HOMER1: variants seen among roughly 807,000 people sequenced by gnomAD.
HOMER1 encodes homer protein homolog 1.
Under a neutral mutation model 48.9 loss-of-function variants are expected in HOMER1, and 3 were observed. The observed-to-expected ratio is 0.06, with a 90% CI of 0.03 to 0.16. The LOEUF is 0.16. Ranked by LOEUF, HOMER1 falls within the 10% of genes least tolerant of loss-of-function variation. The pLI, the probability that HOMER1 is intolerant of heterozygous loss-of-function variation, is 1.00. For missense variants in HOMER1, 247 were observed against 411.4 expected, an observed-to-expected ratio of 0.60 and a Z score of 3.46; for synonymous variants, 134 against 146.4, an observed-to-expected ratio of 0.92 and a Z score of 0.61.
intron 5 of HOMER1, among the ~76,000 whole-genome samples, chr5:79,434,949 A>G (rs1293033174): frequency 6.6e-6 from 1 of 152,200 alleles, no homozygotes; most frequent in African/African-American, 2.4e-5. Flanking sequence ...GTAATTTTAG[A>G]AAAGTATTTG....
At chr5:79,503,611 C>T (rs1400904707) in intron 1 of HOMER1, among the ~76,000 whole-genome samples, 5 of 150,596 alleles carry the variant, frequency 3.3e-5, no homozygotes, top group Admixed American at 3.3e-4. Flanking sequence ...GAGGCTGAGG[C>T]AGGTGGTTCA....
intron 1 of HOMER1, among the ~76,000 whole-genome samples, chr5:79,469,785 G>A (rs962894357): frequency 1.2e-4 from 18 of 151,874 alleles, no homozygotes; most frequent in African/African-American, 4.1e-4. Flanking sequence ...AAGCTACCTC[G>A]CCCCACATTA....
At chr5:79,417,297 C>T (rs1749970558) in intron 5 of HOMER1, among the ~76,000 whole-genome samples, 1 of 152,188 alleles carries the variant, frequency 6.6e-6, no homozygotes. Flanking sequence ...GGCCTGCCAC[C>T]ACGTCCGGCT....
chr5:79,461,953 C>T (rs1430397065), intron 1 of HOMER1, among the ~76,000 whole-genome samples: 1 of 152,170 alleles, frequency 6.6e-6, no homozygotes, highest in Admixed American at 6.5e-5. Context: ...AATCCCAGCA[C>T]TTTGGGAGGC....
At chr5:79,395,967 C>T (rs538669214) in intron 8 of HOMER1, among the ~76,000 whole-genome samples, 68 of 152,226 alleles carry the variant, frequency 4.5e-4, no homozygotes, top group African/African-American at 1.6e-3. Flanking sequence ...TCTTATTATG[C>T]CTTATCTCAG....
chr5:79,451,941 G>A (rs1266687295), intron 2 of HOMER1, among the ~76,000 whole-genome samples: 1 of 152,064 alleles, frequency 6.6e-6, no homozygotes, highest in Non-Finnish European at 1.5e-5. Context: ...GAAAAGACTT[G>A]CAATCGTTTA....
chr5:79,447,633 C>G (rs1750920038), intron 3 of HOMER1, among the ~76,000 whole-genome samples: 1 of 152,122 alleles, frequency 6.6e-6, no homozygotes, highest in Admixed American at 6.5e-5. Context: ...GTAATATTTA[C>G]TATTTTCACT....
intron 1 of HOMER1, among the ~76,000 whole-genome samples, chr5:79,482,545 G>A (rs1232802031): frequency 1.3e-5 from 2 of 151,878 alleles, no homozygotes; most frequent in African/African-American, 4.8e-5. Context: ...GAAAAAAAAG[G>A]AAACCAGTTA....
chr5:79,376,647 C>T (rs915357925), intron 8 of HOMER1, among the ~76,000 whole-genome samples: 3 of 152,132 alleles, frequency 2.0e-5, no homozygotes, highest in Non-Finnish European at 2.9e-5. Context: ...AAGATTTAGA[C>T]AAGAAAGTAA....
intron 1 of HOMER1, among the ~76,000 whole-genome samples, chr5:79,460,161 T>C (rs1751279769): frequency 6.6e-6 from 1 of 152,150 alleles, no homozygotes; most frequent in Non-Finnish European, 1.5e-5. Flanking sequence ...AGCTCCAGCT[T>C]TGCATTTTAG....
chr5:79,460,186 G>A (rs1302793646), intron 1 of HOMER1, among the ~76,000 whole-genome samples: 1 of 152,102 alleles, frequency 6.6e-6, no homozygotes, highest in Non-Finnish European at 1.5e-5. Context: ...ATAAATCTGG[G>A]CCACGTGTGG....
chr5:79,478,283 T>C (rs1321274714), intron 1 of HOMER1, among the ~76,000 whole-genome samples: 5 of 152,226 alleles, frequency 3.3e-5, no homozygotes, highest in East Asian at 1.9e-4. Flanking sequence ...CCTTTATGCA[T>C]GGTGTTCAGA....
rs773205512 is a variant in HOMER1 at position 79,451,042 on chromosome 5, C to T, written c.242G>A (p.Arg81Gln). The T allele has an allele frequency of 1.9e-6, 3 of 1,613,828 alleles. No individual in the cohort carries two copies. Among genetic ancestry groups the T allele is most frequent in the Non-Finnish European group, 2.5e-6 (3 of 1,179,822 alleles). The change falls in exon 3 of 9, where the codon CGG becomes CAG. Residue 81 changes from arginine to glutamine, a missense_variant. Arg to Gln is a conservative substitution (Grantham distance 43). Transcript: ENST00000334082. ...SQKFGQWADS[R>Q]ANTVYGLGFS... is the part of the protein sequence containing the mutation. ...TCCCAATCCATAAACGGTGTTTGCC[C>T]GGCTATCAGCCCACTGGCCAAACTT... is the stretch of plus-strand genomic sequence containing the variant.
chr5:79,429,233 A>G (rs532229599), intron 5 of HOMER1, among the ~76,000 whole-genome samples: 24 of 152,170 alleles, frequency 1.6e-4, no homozygotes, highest in East Asian at 1.9e-4. Flanking sequence ...GCGCATGCCT[A>G]TAATCCCAGC....
At chr5:79,410,827 C>T (rs1749796804) in intron 5 of HOMER1, among the ~76,000 whole-genome samples, 1 of 152,192 alleles carries the variant, frequency 6.6e-6, no homozygotes, top group Non-Finnish European at 1.5e-5. Flanking sequence ...GTTAGCATCT[C>T]ACTTTTCAGG....
At chr5:79,485,008 C>G (rs1292013930) in intron 1 of HOMER1, among the ~76,000 whole-genome samples, 4 of 152,170 alleles carry the variant, frequency 2.6e-5, no homozygotes, top group African/African-American at 9.7e-5. Flanking sequence ...AGTCTATTCT[C>G]TTTTCCCTGC....
At chr5:79,379,822 C>T (rs180829675) in intron 8 of HOMER1, among the ~76,000 whole-genome samples, 1 of 152,094 alleles carries the variant, frequency 6.6e-6, no homozygotes, top group Admixed American at 6.6e-5. Flanking sequence ...TTTTCCTTTA[C>T]TAATGTAAGG....
chr5:79,390,818 C>T (rs372849999), intron 8 of HOMER1, among the ~76,000 whole-genome samples: 1 of 152,124 alleles, frequency 6.6e-6, no homozygotes, highest in South Asian at 2.1e-4. Context: ...AATTAAGGGA[C>T]TTTTTATACC....
intron 5 of HOMER1, 86 bp from the exon 6 acceptor site, chr5:79,402,141 G>T (rs1749549226): frequency 2.0e-5 from 21 of 1,072,182 alleles, no homozygotes; most frequent in South Asian, 1.3e-4. Context: ...CTATTGTAGG[G>T]TTTATAGTCT....
Sources: allele counts gnomAD v4.1 joint callset (sites outside exome capture counted in the v4.1 genomes callset), GRCh38; gene constraint gnomAD v4.1.1; transcripts MANE v1.5; gene names NCBI Gene and HGNC (gene_info 2026-07-23, HGNC 2026-07-21).